Variants in BRD7 observed in about 807,000 individuals in gnomAD.
BRD7 encodes the protein bromodomain containing 7.
Under a neutral mutation model 82.1 loss-of-function variants are expected in BRD7, and 15 were observed. The observed-to-expected ratio is 0.18, with a 90% CI of 0.12 to 0.28. The LOEUF (loss-of-function observed/expected upper bound fraction) is 0.28, where lower values mean the gene tolerates loss of function less well. Ranked by LOEUF, BRD7 falls within the 10% of genes least tolerant of loss-of-function variation. BRD7 has a pLI of 1.00. For synonymous variants in BRD7, 232 were observed against 266.9 expected (o/e 0.87, Z 1.27); for missense variants, 638 against 779.9 (o/e 0.82, Z 2.17).
chr16:50,329,661 T>C (rs1015989692), intron 8 of BRD7, among the ~76,000 whole-genome samples: 6 of 152,126 alleles, frequency 3.9e-5, no homozygotes, highest in Non-Finnish European at 1.5e-5. Flanking sequence ...CTGAGAGCCA[T>C]CCATCGCACT....
intron 8 of BRD7, among the ~76,000 whole-genome samples, chr16:50,333,289 T>C (rs892281084): frequency 3.9e-5 from 6 of 152,232 alleles, no homozygotes; most frequent in Non-Finnish European, 8.8e-5. Flanking sequence ...AGATTAATCA[T>C]GTACTTTACA....
At position 50,367,996 on chromosome 16, in the gene BRD7, T is replaced by A; in HGVS notation, c.258+94A>T. Reference sequence around the variant, plus strand: ...TCAAACGAGCCAGATCTTAGAGGCGTTTGTTTTCCCCAGATACAAAGAAAA... The same window carrying A: ...TCAAACGAGCCAGATCTTAGAGGCGATTGTTTTCCCCAGATACAAAGAAAA... On this transcript the variant is annotated intron_variant, in intron 2 of 16. Transcript: ENST00000394688. The A allele has an allele frequency of 3.1e-6, 4 of 1,301,700 alleles. 1 individual carries two copies. In the South Asian group the frequency reaches 5.1e-5, roughly 17 times the overall value. The allele number at this position is 1,301,700 out of a possible 1,614,324, so 80.6% of individuals were successfully genotyped here.
At chr16:50,358,837 C>T (rs2038838693) in intron 2 of BRD7, among the ~76,000 whole-genome samples, 1 of 152,160 alleles carries the variant, frequency 6.6e-6, no homozygotes, top group African/African-American at 2.4e-5. Context: ...CTACCCTAAA[C>T]TGAATAGAGA....
intron 8 of BRD7, among the ~76,000 whole-genome samples, chr16:50,330,950 T>G (rs894430375): frequency 1.3e-5 from 2 of 152,224 alleles, no homozygotes; most frequent in Admixed American, 6.5e-5. Flanking sequence ...CAATTCTATA[T>G]ACATAGTATA....
At chr16:50,337,256 CTTTTTTTTTTTT>C (rs71138063) in intron 6 of BRD7, among the ~76,000 whole-genome samples, 8 of 93,254 alleles carry the variant, frequency 8.6e-5, no homozygotes, top group Non-Finnish European at 1.2e-4. Flanking sequence ...GTTCATTCTT[CTTTTTTTTTTTT>C]TTTTTTTTTG....
At chr16:50,343,073 G>C (rs1399870971) in intron 5 of BRD7, among the ~76,000 whole-genome samples, 1 of 152,186 alleles carries the variant, frequency 6.6e-6, no homozygotes, top group Non-Finnish European at 1.5e-5. Context: ...TGAACTCAGA[G>C]AGCAATTAAC....
Position 50,368,102 on chromosome 16 carries a change from C to T in BRD7, c.246G>A (p.Arg82=). The part of the protein sequence containing the change: ...QIPGEEKGRK[R]RRVKEDKKKR... ...TAACCACTTGTACCTTAACTCTTCTCCGTTTTCTCCCCTTTTCTTCCCCTG... is the reference window on the plus strand; with the variant it reads ...TAACCACTTGTACCTTAACTCTTCTTCGTTTTCTCCCCTTTTCTTCCCCTG... The change falls in exon 2 of 17, where the codon CGG becomes CGA. Residue 82 remains arginine, a synonymous_variant. Transcript: ENST00000394688. 1.9e-6 allele frequency: 3 copies of T among 1,613,958 alleles called. No homozygotes were observed. Among genetic ancestry groups the T allele is most frequent in the Non-Finnish European group, 2.5e-6 (3 of 1,179,856 alleles).
chr16:50,323,193 T>C (rs1476710731), intron 12 of BRD7, among the ~76,000 whole-genome samples: 1 of 152,250 alleles, frequency 6.6e-6, no homozygotes, highest in Non-Finnish European at 1.5e-5. Context: ...TTTTTACTTT[T>C]TAACTTGAGG....
chr16:50,347,734 T>C (rs372503935), intron 5 of BRD7, among the ~76,000 whole-genome samples: 2 of 152,004 alleles, frequency 1.3e-5, no homozygotes, highest in Non-Finnish European at 2.9e-5. Flanking sequence ...AGGAGAACTA[T>C]AAACCACTGC....
chr16:50,339,491 A>G (rs1404730833), intron 6 of BRD7, among the ~76,000 whole-genome samples: 1 of 152,242 alleles, frequency 6.6e-6, no homozygotes, highest in African/African-American at 2.4e-5. Context: ...TAACAAAAGT[A>G]CAGTAAAAAT....
At chr16:50,332,509 T>C (rs757414306) in intron 8 of BRD7, among the ~76,000 whole-genome samples, 3 of 152,110 alleles carry the variant, frequency 2.0e-5, no homozygotes, top group African/African-American at 7.2e-5. Context: ...GCTGGCAAGG[T>C]TGTGGAGAAA....
intron 4 of BRD7, among the ~76,000 whole-genome samples, chr16:50,351,168 T>G (rs375208909): frequency 6.6e-6 from 1 of 152,208 alleles, no homozygotes; most frequent in African/African-American, 2.4e-5. Flanking sequence ...TGGTAGGCAC[T>G]TGACATATTT....
intron 1 of BRD7, 74 bp from the exon 2 acceptor site, chr16:50,368,372 C>G: frequency 6.7e-7 from 1 of 1,485,184 alleles, no homozygotes; most frequent in Non-Finnish European, 9.1e-7. Context: ...GCTAAGGATG[C>G]AGAGCGCCAA....
chr16:50,353,361 G>C (rs66535459), intron 4 of BRD7, among the ~76,000 whole-genome samples: 22,858 of 151,886 alleles, frequency 0.15, 2,158 homozygotes, highest in Middle Eastern at 0.21. Context: ...TACTATACTC[G>C]GTTAACTTCT....
At chr16:50,347,365 T>G (rs2151182797) in intron 5 of BRD7, among the ~76,000 whole-genome samples, 1 of 152,248 alleles carries the variant, frequency 6.6e-6, no homozygotes, top group East Asian at 1.9e-4. Flanking sequence ...AGGGATGACC[T>G]CTCTCACCAC....
chr16:50,345,525 T>C (rs1334855023), intron 5 of BRD7, among the ~76,000 whole-genome samples: 1 of 151,964 alleles, frequency 6.6e-6, no homozygotes, highest in Non-Finnish European at 1.5e-5. Context: ...AGGAAACCCA[T>C]CTCATGTGCA....
chr16:50,331,617 G>T (rs2037569392), intron 8 of BRD7, among the ~76,000 whole-genome samples: 1 of 152,188 alleles, frequency 6.6e-6, no homozygotes, highest in African/African-American at 2.4e-5. Flanking sequence ...CAGGAGAATT[G>T]CTTGAGCTCC....
intron 2 of BRD7, among the ~76,000 whole-genome samples, chr16:50,362,755 G>A (rs1214112788): frequency 6.6e-6 from 1 of 152,220 alleles, no homozygotes; most frequent in Non-Finnish European, 1.5e-5. Flanking sequence ...GAGACAGAAA[G>A]TGGAATGGTG....
intron 4 of BRD7, among the ~76,000 whole-genome samples, chr16:50,352,232 C>T (rs1027559976): frequency 6.6e-5 from 10 of 152,108 alleles, no homozygotes; most frequent in African/African-American, 1.9e-4. Flanking sequence ...AGTTTGAGGG[C>T]GGTATATCTC....
Sources: gnomAD v4.1 joint callset for allele counts (sites outside exome capture counted in the v4.1 genomes callset) on GRCh38, gnomAD v4.1.1 for gene constraint, MANE v1.5 for transcripts, NCBI Gene and HGNC (gene_info 2026-07-23, HGNC 2026-07-21) for gene names.